Variants in ST6GALNAC3 observed in about 807,000 individuals in gnomAD.
ST6GALNAC3 encodes ST6 N-acetylgalactosaminide alpha-2,6-sialyltransferase 3, also known as alpha-N-acetylgalactosaminide alpha-2,6-sialyltransferase 3.
In ST6GALNAC3, 25 loss-of-function variants were observed where a neutral mutation model predicts 32.7. The ratio of observed to expected loss-of-function variants is 0.76; its 90% CI spans 0.56 to 1.07. ST6GALNAC3 has a LOEUF of 1.07. Among genes scored for constraint, ST6GALNAC3 ranks in the 50% least tolerant of loss-of-function variants. ST6GALNAC3 has a pLI of 0.00. For missense variants in ST6GALNAC3, 355 were observed against 382.4 expected, an observed-to-expected ratio of 0.93 and a Z score of 0.60; for synonymous variants, 129 against 133.1, an observed-to-expected ratio of 0.97 and a Z score of 0.21.
chr1:76,316,947 G>A (rs1646876872), intron 2 of ST6GALNAC3, among the ~76,000 whole-genome samples: 1 of 152,120 alleles, frequency 6.6e-6, no homozygotes, highest in Non-Finnish European at 1.5e-5. Flanking sequence ...AGGAATATTT[G>A]AAATAGGCAA....
At chr1:76,272,150 A>T (rs1658880081) in intron 1 of ST6GALNAC3, among the ~76,000 whole-genome samples, 1 of 151,836 alleles carries the variant, frequency 6.6e-6, no homozygotes, top group Admixed American at 6.6e-5. Context: ...ATATGGTGAA[A>T]TCCCAACTCT....
intron 1 of ST6GALNAC3, among the ~76,000 whole-genome samples, chr1:76,160,852 C>A (rs1570255338): frequency 6.6e-6 from 1 of 151,940 alleles, no homozygotes; most frequent in East Asian, 1.9e-4. Context: ...AGTAATGCTG[C>A]TGTATAATCA....
At chr1:76,395,044 T>C (rs1308812183) in intron 2 of ST6GALNAC3, among the ~76,000 whole-genome samples, 1 of 152,234 alleles carries the variant, frequency 6.6e-6, no homozygotes, top group Admixed American at 6.5e-5. Flanking sequence ...GTCCTCTTTT[T>C]TCATCTTTAA....
chr1:76,340,281 G>A (rs184948346), intron 2 of ST6GALNAC3, among the ~76,000 whole-genome samples: 5 of 152,382 alleles, frequency 3.3e-5, no homozygotes, highest in Admixed American at 3.3e-4. Flanking sequence ...ATTATGCACA[G>A]AGGCCTAGAA....
At chr1:76,132,263 C>G (rs2100869068) in intron 1 of ST6GALNAC3, among the ~76,000 whole-genome samples, 1 of 152,276 alleles carries the variant, frequency 6.6e-6, no homozygotes, top group African/African-American at 2.4e-5. Context: ...TTATCTGAGT[C>G]TAGCTCATAA....
intron 3 of ST6GALNAC3, among the ~76,000 whole-genome samples, chr1:76,544,498 G>A (rs1378691878): frequency 6.6e-6 from 1 of 152,116 alleles, no homozygotes; most frequent in Non-Finnish European, 1.5e-5. Flanking sequence ...TAGAATTTTT[G>A]AGACTCTGAC....
At chr1:76,357,912 A>T (rs1240393702) in intron 2 of ST6GALNAC3, among the ~76,000 whole-genome samples, 1 of 152,194 alleles carries the variant, frequency 6.6e-6, no homozygotes, top group African/African-American at 2.4e-5. Flanking sequence ...AAGACAGGGA[A>T]TGTTTAGCTT....
chr1:76,603,959 A>G (rs1390979097), intron 3 of ST6GALNAC3, among the ~76,000 whole-genome samples: 1 of 152,222 alleles, frequency 6.6e-6, no homozygotes, highest in Non-Finnish European at 1.5e-5. Flanking sequence ...ATGAAAAGCC[A>G]AGTATATAGA....
intron 3 of ST6GALNAC3, among the ~76,000 whole-genome samples, chr1:76,594,607 TTAGC>T (rs954550341): frequency 6.6e-6 from 1 of 152,142 alleles, no homozygotes; most frequent in Admixed American, 6.5e-5. Flanking sequence ...GATGCATAGA[TTAGC>T]TAGCTAGCTA....
chr1:76,138,145 C>T (rs1650064800), intron 1 of ST6GALNAC3, among the ~76,000 whole-genome samples: 1 of 152,218 alleles, frequency 6.6e-6, no homozygotes, highest in African/African-American at 2.4e-5. Context: ...AAGAAGACTG[C>T]ATTCTGAAGT....
chr1:76,587,218 T>G (rs1410162800), intron 3 of ST6GALNAC3, among the ~76,000 whole-genome samples: 1 of 152,194 alleles, frequency 6.6e-6, no homozygotes, highest in Non-Finnish European at 1.5e-5. Context: ...GAAAGAGACG[T>G]GTTTGATAAC....
At chr1:76,461,392 C>A (rs1658269018) in intron 3 of ST6GALNAC3, among the ~76,000 whole-genome samples, 1 of 152,108 alleles carries the variant, frequency 6.6e-6, no homozygotes, top group Non-Finnish European at 1.5e-5. Context: ...AGTAATTATA[C>A]CCTGTGCCCT....
At chr1:76,349,936 G>T (rs1648832610) in intron 2 of ST6GALNAC3, among the ~76,000 whole-genome samples, 1 of 152,118 alleles carries the variant, frequency 6.6e-6, no homozygotes, top group Non-Finnish European at 1.5e-5. Context: ...TGTCAAGGTT[G>T]CTAGTGTTCT....
intron 3 of ST6GALNAC3, among the ~76,000 whole-genome samples, chr1:76,479,114 T>C (rs1659560311): frequency 6.6e-6 from 1 of 152,118 alleles, no homozygotes; most frequent in Non-Finnish European, 1.5e-5. Context: ...CTTAACCTGG[T>C]ATTATAGAGA....
chr1:76,444,091 G>A (rs1656802084), intron 3 of ST6GALNAC3, among the ~76,000 whole-genome samples: 1 of 152,176 alleles, frequency 6.6e-6, no homozygotes, highest in African/African-American at 2.4e-5. Context: ...TTTAATTTAT[G>A]ACAGACTTGG....
intron 1 of ST6GALNAC3, among the ~76,000 whole-genome samples, chr1:76,092,963 C>T (rs1179402217): frequency 2.0e-5 from 3 of 152,070 alleles, no homozygotes; most frequent in Non-Finnish European, 1.5e-5. Flanking sequence ...TTTCTCTGGA[C>T]GTGTCTTTAG....
At chr1:76,097,323 C>G (rs1315489898) in intron 1 of ST6GALNAC3, among the ~76,000 whole-genome samples, 1 of 152,134 alleles carries the variant, frequency 6.6e-6, no homozygotes, top group African/African-American at 2.4e-5. Context: ...ATAGGAGGGA[C>G]CTGGTGGGAG....
In ST6GALNAC3 at chr1:76,602,263, A is replaced by G. The variant is rs1570418872; in HGVS notation, c.624-25189A>G. Among the ~76,000 whole-genome samples, 5 of 152,238 alleles carry G rather than the reference A, an allele frequency of 3.3e-5. No individual in the cohort carries two copies. The South Asian group carries it at 1.0e-3, about 32-fold the overall frequency. ...ATGGGGAATGTGTCAGTGGGGAGGC[A>G]GAACTGGTGATGTGGAGAGAGGAGA... On this transcript the variant is annotated intron_variant, in intron 3 of 4. Coordinates refer to ENST00000328299, the MANE Select transcript of ST6GALNAC3 (RefSeq NM_152996.4).
intron 1 of ST6GALNAC3, among the ~76,000 whole-genome samples, chr1:76,183,175 G>A (rs1293147458): frequency 2.0e-5 from 3 of 152,248 alleles, no homozygotes; most frequent in Admixed American, 6.5e-5. Flanking sequence ...AGACTTTTCT[G>A]TACACCACTT....
Sources: allele counts gnomAD v4.1 joint callset (sites outside exome capture counted in the v4.1 genomes callset), GRCh38; gene constraint gnomAD v4.1.1; transcripts MANE v1.5; gene names NCBI Gene and HGNC (gene_info 2026-07-23, HGNC 2026-07-21).